Variants in KAT6B observed in about 807,000 individuals in gnomAD.
KAT6B encodes lysine acetyltransferase 6B.
Under a neutral mutation model 187.5 loss-of-function variants are expected in KAT6B, and 10 were observed. The ratio of observed to expected loss-of-function variants is 0.05; its 90% CI spans 0.03 to 0.09. The LOEUF (loss-of-function observed/expected upper bound fraction) is 0.09, where lower values mean the gene tolerates loss of function less well. KAT6B is among the 10% of genes least tolerant of loss of function. KAT6B has a pLI of 1.00. For synonymous variants in KAT6B, 861 were observed against 926.8 expected (o/e 0.93, Z 1.29); for missense variants, 1,952 against 2,558.9 (o/e 0.76, Z 5.12).
intron 1 of KAT6B, among the ~76,000 whole-genome samples, chr10:74,828,758 G>A (rs1442792592): frequency 6.6e-6 from 1 of 151,528 alleles, no homozygotes; most frequent in African/African-American, 2.4e-5. Context: ...TAGTAGAGAC[G>A]GGGTTTCACC....
intron 3 of KAT6B, among the ~76,000 whole-genome samples, chr10:74,942,765 CAAAAAAAAAAAAAA>C (rs56276008): frequency 3.2e-4 from 3 of 9,364 alleles, no homozygotes; most frequent in Non-Finnish European, 5.5e-4. Flanking sequence ...AACTCCATCG[CAAAAAAAAAAAAAA>C]AAAAAAAAAA....
intron 3 of KAT6B, among the ~76,000 whole-genome samples, chr10:74,907,147 G>C (rs959748684): frequency 6.6e-6 from 1 of 152,194 alleles, no homozygotes; most frequent in African/African-American, 2.4e-5. Context: ...AATTTCTCTT[G>C]TTCCATTCTC....
chr10:74,846,122 C>T (rs1210468578), intron 3 of KAT6B, among the ~76,000 whole-genome samples: 1 of 152,086 alleles, frequency 6.6e-6, no homozygotes, highest in African/African-American at 2.4e-5. Flanking sequence ...CCTCGGCCTC[C>T]CAAGGTGCTG....
chr10:74,897,964 A>G (rs1846103266), intron 3 of KAT6B, among the ~76,000 whole-genome samples: 1 of 152,204 alleles, frequency 6.6e-6, no homozygotes. Flanking sequence ...AATTTTAGCC[A>G]TAGCAAGCAT....
intron 13 of KAT6B, among the ~76,000 whole-genome samples, chr10:75,001,064 C>A (rs762172901): frequency 1.3e-5 from 2 of 152,098 alleles, no homozygotes; most frequent in East Asian, 1.9e-4. Context: ...CCCTGCCCCC[C>A]ACACACATAT....
At chr10:75,025,984 A>T (rs1420768153) in intron 17 of KAT6B, 1 of 152,024 alleles carries the variant, frequency 6.6e-6, no homozygotes. Context: ...ACATGGCAAA[A>T]CCCCATCTCT....
intron 3 of KAT6B, among the ~76,000 whole-genome samples, chr10:74,862,827 A>G (rs1843278261): frequency 6.6e-6 from 1 of 152,148 alleles, no homozygotes. Flanking sequence ...CCTCAGCCTC[A>G]ACAGAAAGGT....
rs770958025 is a variant in KAT6B, at chr10:75,030,882, C to T, written c.6058C>T (p.Pro2020Ser). 6 of 1,614,058 alleles carry T rather than the reference C, an allele frequency of 3.7e-6. No homozygotes were observed. In the East Asian group the frequency reaches 1.3e-4, roughly 36 times the overall value. The change falls in exon 18 of 18, where the codon CCT becomes TCT. Residue 2020 changes from proline to serine, a missense_variant. Pro to Ser is a moderately conservative substitution (Grantham distance 74, BLOSUM62 -1). Coordinates refer to ENST00000287239, the MANE Select transcript of KAT6B (RefSeq NM_012330.4). This position sits in a 1 kb window ranked among gnomAD's most constrained non-coding sequence, Gnocchi z 4.8. ...CTATATGAATCAAACGCCCCAATAC[C>T]CTATGCAGATGCAGATGGGCATGAT... The part of the protein sequence containing the change: ...HGYMNQTPQY[P>S]MQMQMGMMGT...
In KAT6B at chr10:75,029,255, T is replaced by G; in HGVS notation, c.4431T>G (p.Cys1477Trp). The change falls in exon 18 of 18, where the codon TGT becomes TGG. Residue 1477 changes from cysteine (C) to tryptophan (W), a missense_variant. Coordinates refer to ENST00000287239, the MANE Select transcript of KAT6B (RefSeq NM_012330.4). This position sits in a 1 kb window ranked among gnomAD's most constrained non-coding sequence, Gnocchi z 6.2. Reference protein sequence around the residue: ...GHSNPEVLMDCGVDLTASCNS... With the variant: ...GHSNPEVLMDWGVDLTASCNS... The stretch of plus-strand genomic sequence containing the variant: ...CGAACCCAGAGGTCTTAATGGACTG[T>G]GGCGTCGACCTGACAGCTTCTTGTA... 6.2e-7 allele frequency: 1 copy of G among 1,614,116 alleles called. No homozygotes were observed. Among genetic ancestry groups the G allele is most frequent in the Non-Finnish European group, 8.5e-7 (1 of 1,180,022 alleles).
chr10:74,890,579 G>C (rs1845579879), intron 3 of KAT6B, among the ~76,000 whole-genome samples: 2 of 152,152 alleles, frequency 1.3e-5, no homozygotes, highest in South Asian at 4.1e-4. Context: ...ACACACAGGA[G>C]AATGTGAGGA....
At chr10:74,878,796 T>C (rs1431104399) in intron 3 of KAT6B, among the ~76,000 whole-genome samples, 3 of 152,076 alleles carry the variant, frequency 2.0e-5, no homozygotes, top group African/African-American at 7.2e-5. Flanking sequence ...ATGTTTGGGT[T>C]ATGGTGAGTG....
At chr10:75,013,071 C>T (rs1405322170) in intron 13 of KAT6B, among the ~76,000 whole-genome samples, 1 of 152,118 alleles carries the variant, frequency 6.6e-6, no homozygotes, top group Admixed American at 6.5e-5. Context: ...CAGCCTCCTT[C>T]CCCAAAGACA....
rs1840682318 is a variant in KAT6B, at chr10:74,830,623, T to G, written c.-329+3838T>G. ...ACACTCCCTCCAGCAATATATGAATTCCCTTGCTTCTCGCCCTCTCCAATC... is the reference window on the plus strand; with the variant it reads ...ACACTCCCTCCAGCAATATATGAATGCCCTTGCTTCTCGCCCTCTCCAATC... On this transcript the variant is annotated intron_variant, in intron 1 of 17. Transcript: ENST00000287239. Among the ~76,000 whole-genome samples, 4 of 150,156 alleles carry G rather than the reference T, an allele frequency of 2.7e-5. No homozygotes were observed. In the Admixed American group the frequency reaches 2.7e-4, roughly 10 times the overall value.
intron 3 of KAT6B, among the ~76,000 whole-genome samples, chr10:74,898,585 C>T (rs944848275): frequency 7.2e-5 from 11 of 152,096 alleles, no homozygotes; most frequent in Non-Finnish European, 1.0e-4. Flanking sequence ...GGGCGTTAGT[C>T]TCATGCAGTT....
chr10:74,962,862 C>G (rs1247822409), intron 4 of KAT6B, among the ~76,000 whole-genome samples: 1 of 149,252 alleles, frequency 6.7e-6, no homozygotes, highest in Non-Finnish European at 1.5e-5. Context: ...ACTAAAAATT[C>G]TTTAAAAAAA....
rs543131481 is a variant in KAT6B, at chr10:74,971,159, A to G, written c.928+1058A>G. ...GAGGTATTTGATTTTCCAACCCTCT[A>G]TATAAATGAACTCTAATTTATTTAA... On this transcript the variant is annotated intron_variant, in intron 6 of 17. Transcript: ENST00000287239. 5.5e-4 allele frequency among the ~76,000 whole-genome samples: 84 copies of G among 152,314 alleles called. 3 individuals carry two copies. In the South Asian group the frequency reaches 0.017, roughly 30 times the overall value.
chr10:74,904,883 T>C (rs1361709283), intron 3 of KAT6B, among the ~76,000 whole-genome samples: 8 of 152,168 alleles, frequency 5.3e-5, no homozygotes, highest in Non-Finnish European at 1.2e-4. Flanking sequence ...TTCACAGCAG[T>C]GGCCTCTATT....
At chr10:75,006,832 C>T (rs959804879) in intron 13 of KAT6B, among the ~76,000 whole-genome samples, 7 of 107,120 alleles carry the variant, frequency 6.5e-5, no homozygotes, top group Admixed American at 2.2e-4. Context: ...TTTGGGAGGC[C>T]GAGGCAGGCG....
At chr10:75,011,851 G>A (rs1844631054) in intron 13 of KAT6B, among the ~76,000 whole-genome samples, 1 of 152,098 alleles carries the variant, frequency 6.6e-6, no homozygotes, top group African/African-American at 2.4e-5. Flanking sequence ...TTTACGGAGT[G>A]GCCATCCTCC....
Sources: gnomAD v4.1 joint callset for allele counts (sites outside exome capture counted in the v4.1 genomes callset) on GRCh38, gnomAD v4.1.1 for gene constraint, Gnocchi (gnomAD v3.1) non-coding constraint, MANE v1.5 for transcripts, NCBI Gene and HGNC (gene_info 2026-07-23, HGNC 2026-07-21) for gene names.